Variants in SPIC observed in about 807,000 individuals in gnomAD.
The protein encoded by SPIC is transcription factor Spi-C.
Under a neutral mutation model 16.7 loss-of-function variants are expected in SPIC, and 9 were observed. That is an observed-to-expected ratio of 0.54 (90% CI 0.33 to 0.94). SPIC has a LOEUF of 0.94. Ranked by LOEUF, SPIC falls within the 40% of genes least tolerant of loss-of-function variation. The pLI is 0.03. For synonymous variants in SPIC, 97 were observed against 102.9 expected, an observed-to-expected ratio of 0.94 and a Z score of 0.35; for missense variants, 241 against 285.8, an observed-to-expected ratio of 0.84 and a Z score of 1.13.
At chr12:101,478,524 CA>C (rs1384681193) in intron 3 of SPIC, among the ~76,000 whole-genome samples, 1 of 152,094 alleles carries the variant, frequency 6.6e-6, no homozygotes, top group Non-Finnish European at 1.5e-5. Flanking sequence ...TAAAGTCTCA[CA>C]TATAAAAATG....
intron 4 of SPIC, 39 bp downstream of exon 4, chr12:101,479,733 C>G (rs1873129318): frequency 1.4e-6 from 2 of 1,442,834 alleles, no homozygotes; most frequent in Non-Finnish European, 1.9e-6. Flanking sequence ...GGCAAATATC[C>G]TATTCTTGCC....
Position 101,486,893 on chromosome 12 carries a change from A to G in SPIC, c.*122A>G. The G allele has an allele frequency of 1.3e-6, 1 of 765,056 alleles. No homozygotes were observed. The highest frequency in any genetic ancestry group is 2.0e-6 in the Non-Finnish European group (1 of 510,332). 47.4% of individuals were successfully genotyped at this position (765,056 alleles called of 1,614,324 possible). ...TTAGGATTTTTCTCTTAAAGCAAAT[A>G]CTAAAGAGGAAAAAAAATTAACTTT... On this transcript the variant is annotated 3_prime_UTR_variant, in exon 6 of 6. Transcript: ENST00000551346.
chr12:101,482,075 T>C (rs1237188153), intron 4 of SPIC, among the ~76,000 whole-genome samples: 4 of 147,480 alleles, frequency 2.7e-5, no homozygotes, highest in Non-Finnish European at 4.5e-5. Context: ...AAACCCCATC[T>C]CTACTAAAAA....
At chr12:101,475,994 C>G (rs1872947060) in intron 1 of SPIC, among the ~76,000 whole-genome samples, 1 of 152,102 alleles carries the variant, frequency 6.6e-6, no homozygotes, top group East Asian at 1.9e-4. Context: ...CATTAGATTA[C>G]ATCATCTCAT....
At position 101,486,824 on chromosome 12, in the gene SPIC, A is replaced by T. The variant is rs1049295400; in HGVS notation, c.*53A>T. On this transcript the variant is annotated 3_prime_UTR_variant, in exon 6 of 6. Coordinates refer to ENST00000551346, the MANE Select transcript of SPIC (RefSeq NM_152323.3). ...GGCATCGGAAATCTCTACAAGTTTTAATGATTTCTCCCTCCCTCTCTTTTT... is the reference window on the plus strand; with the variant it reads ...GGCATCGGAAATCTCTACAAGTTTTTATGATTTCTCCCTCCCTCTCTTTTT... 4.1e-5 allele frequency: 57 copies of T among 1,399,656 alleles called. No homozygotes were observed. The highest frequency in any genetic ancestry group is 5.2e-5 in the Non-Finnish European group (54 of 1,048,270). 86.7% of individuals were successfully genotyped at this position (1,399,656 alleles called of 1,614,324 possible).
intron 3 of SPIC, among the ~76,000 whole-genome samples, chr12:101,479,232 GAA>G (rs1873080971): frequency 9.5e-6 from 1 of 105,368 alleles, no homozygotes; most frequent in Non-Finnish European, 2.0e-5. Flanking sequence ...AGGAAAGAAA[GAA>G]AGAAAGAAAA....
At chr12:101,484,824 C>T (rs1397943820) in intron 5 of SPIC, among the ~76,000 whole-genome samples, 2 of 143,422 alleles carry the variant, frequency 1.4e-5, no homozygotes, top group East Asian at 2.2e-4. Context: ...GCCAAGATTG[C>T]GCCACTACAC....
Position 101,477,576 on chromosome 12 carries a change from A to T in SPIC, c.22A>T (p.Lys8Ter). The T allele has an allele frequency of 6.2e-7, 1 of 1,614,132 alleles. No individual in the cohort carries two copies. The highest frequency in any genetic ancestry group is 8.5e-7 in the Non-Finnish European group (1 of 1,180,010). MTCVEQD[K>*]LGQAFEDAFE... ...CCAACAGACGTGTGTTGAACAAGAC[A>T]AGCTGGGTCAAGCATTTGAAGATGC... Residue 8 changes from lysine to a stop codon, truncating the protein, a stop_gained, in exon 3 of 6, where the codon AAG becomes TAG. Transcript: ENST00000551346. LOFTEE classifies it high-confidence loss of function.
chr12:101,482,284 G>GGTC (rs1873227788), intron 4 of SPIC, among the ~76,000 whole-genome samples: 1 of 151,542 alleles, frequency 6.6e-6, no homozygotes, highest in African/African-American at 2.4e-5. Flanking sequence ...TGCCCAGGCT[G>GGTC]GTCTTGAACT....
At chr12:101,481,510 A>ATTT (rs72107180) in intron 4 of SPIC, among the ~76,000 whole-genome samples, 35 of 130,234 alleles carry the variant, frequency 2.7e-4, no homozygotes, top group South Asian at 1.7e-3. Flanking sequence ...CCCACAGCTA[A>ATTT]TTTTTTTTTT....
chr12:101,478,165 G>C (rs1873022506), intron 3 of SPIC, among the ~76,000 whole-genome samples: 1 of 150,854 alleles, frequency 6.6e-6, no homozygotes, highest in Admixed American at 6.6e-5. Context: ...CCGAGTAGCT[G>C]GGACTACAGG....
intron 4 of SPIC, among the ~76,000 whole-genome samples, chr12:101,480,784 C>G (rs936357990): frequency 6.6e-6 from 1 of 151,952 alleles, no homozygotes; most frequent in African/African-American, 2.4e-5. Flanking sequence ...CCCAAGAGTT[C>G]GAGACCAACC....
In SPIC at chr12:101,486,845, T is replaced by C; in HGVS notation, c.*74T>C. On this transcript the variant is annotated 3_prime_UTR_variant, in exon 6 of 6. Transcript: ENST00000551346. ...TTTTAATGATTTCTCCCTCCCTCTC[T>C]TTTTTTCCTCCTCTGAAGAAATTTA... is the stretch of plus-strand genomic sequence containing the variant. 1 of 1,246,130 alleles carries C rather than the reference T, an allele frequency of 8.0e-7. No homozygotes were observed. Among genetic ancestry groups the C allele is most frequent in the East Asian group, 2.4e-5 (1 of 41,552 alleles). The allele number at this position is 1,246,130 out of a possible 1,614,324, so 77.2% of individuals were successfully genotyped here.
Position 101,486,295 on chromosome 12 carries a change from C to G in SPIC, c.320-49C>G, listed in dbSNP as rs761107337. 21 of 1,541,586 alleles carry G rather than the reference C, an allele frequency of 1.4e-5. 1 individual carries two copies. In the Admixed American group the frequency reaches 1.4e-4, roughly 10 times the overall value. ...TCAACAAACCCTTTCTGAGGATGTTCTCGGTTTACAGCCACGGTGGAGTTT... is the reference window on the plus strand; with the variant it reads ...TCAACAAACCCTTTCTGAGGATGTTGTCGGTTTACAGCCACGGTGGAGTTT... On this transcript the variant is annotated intron_variant, in intron 5 of 5. Coordinates refer to ENST00000551346, the MANE Select transcript of SPIC (RefSeq NM_152323.3).
At chr12:101,485,219 A>AT (rs1313042943) in intron 5 of SPIC, among the ~76,000 whole-genome samples, 1 of 152,168 alleles carries the variant, frequency 6.6e-6, no homozygotes, top group Admixed American at 6.6e-5. Flanking sequence ...TTGGCTGCAA[A>AT]TTTTTTAGCT....
intron 5 of SPIC, among the ~76,000 whole-genome samples, chr12:101,485,805 A>T (rs1458096959): frequency 6.6e-6 from 1 of 152,058 alleles, no homozygotes; most frequent in Non-Finnish European, 1.5e-5. Flanking sequence ...GTTTTTTGAG[A>T]CAGATTCTCG....
intron 3 of SPIC, among the ~76,000 whole-genome samples, chr12:101,479,219 AGAAG>A (rs1234736640): frequency 0.049 from 4,014 of 82,370 alleles, 284 homozygotes; most frequent in East Asian, 0.082. Flanking sequence ...AAAGAAAGAA[AGAAG>A]GAAAGAAAGA....
intron 4 of SPIC, among the ~76,000 whole-genome samples, chr12:101,480,937 G>C (rs1357042661): frequency 1.3e-5 from 2 of 152,184 alleles, no homozygotes; most frequent in Non-Finnish European, 2.9e-5. Flanking sequence ...TATTTTGTTT[G>C]CTAAATCTGG....
Position 101,476,858 on chromosome 12 carries a change from C to G in SPIC, c.-47C>G. 2 of 1,309,174 alleles carry G rather than the reference C, an allele frequency of 1.5e-6. No individual in the cohort carries two copies. The highest frequency in any genetic ancestry group is 5.5e-5 in the Admixed American group (2 of 36,594). 81.1% of individuals were successfully genotyped at this position (1,309,174 alleles called of 1,614,324 possible). On this transcript the variant is annotated 5_prime_UTR_variant, in exon 2 of 6. It introduces an in-frame stop codon into an upstream open reading frame of the 5' UTR. Transcript: ENST00000551346. ...TCAACTTATTTTATTTTATTTTCTT[C>G]AAGCAACAATTGCTAAGGAACAGAA... is the stretch of plus-strand genomic sequence containing the variant.
Sources: allele counts gnomAD v4.1 joint callset (sites outside exome capture counted in the v4.1 genomes callset), GRCh38; gene constraint gnomAD v4.1.1; transcripts MANE v1.5; gene names NCBI Gene and HGNC (gene_info 2026-07-23, HGNC 2026-07-21).